VPS13B: variants seen among roughly 807,000 people sequenced by gnomAD.
VPS13B encodes intermembrane lipid transfer protein VPS13B.
VPS13B carries 285 observed loss-of-function variants against 426.4 expected under a neutral mutation model. That is an observed-to-expected ratio of 0.67 (90% CI 0.61 to 0.74). VPS13B has a LOEUF of 0.74. Ranked by LOEUF, VPS13B falls within the 30% of genes least tolerant of loss-of-function variation. The probability of loss-of-function intolerance (pLI) is 0.00; values close to 1 mark genes in which losing one functional copy is unlikely to be tolerated. For missense variants in VPS13B, 4,537 were observed against 4,782.6 expected, an observed-to-expected ratio of 0.95 and a Z score of 1.51; for synonymous variants, 1,676 against 1,676.4, an observed-to-expected ratio of 1.00 and a Z score of 0.01.
At chr8:99,830,370 C>T (rs766528822) in intron 51 of VPS13B, among the ~76,000 whole-genome samples, 4 of 152,140 alleles carry the variant, frequency 2.6e-5, no homozygotes, top group Admixed American at 6.5e-5. Context: ...CTTCCCAGTC[C>T]GAACTTTCTG....
chr8:99,765,334 A>G lies in VPS13B; in HGVS notation c.7051-1440A>G, dbSNP rs539922831. Reference sequence around the variant, plus strand: ...GAAAGGTTAGTAAATAAAATATTACATTATTGCTTTAATTTGAATCTCTTT... The same window carrying G: ...GAAAGGTTAGTAAATAAAATATTACGTTATTGCTTTAATTTGAATCTCTTT... On this transcript the variant is annotated intron_variant, in intron 39 of 61. Coordinates refer to ENST00000357162, the MANE Select transcript of VPS13B (RefSeq NM_152564.5). Among the ~76,000 whole-genome samples the G allele has an allele frequency of 5.3e-5, 8 of 151,106 alleles. No individual in the cohort carries two copies. In the South Asian group the frequency reaches 1.5e-3, roughly 28 times the overall value.
chr8:99,492,474 G>T (rs1820662400), intron 25 of VPS13B, among the ~76,000 whole-genome samples: 1 of 152,202 alleles, frequency 6.6e-6, no homozygotes, highest in African/African-American at 2.4e-5. Context: ...GCCCACAGAG[G>T]TGGAGTCTAG....
At chr8:99,506,657 A>C (rs766117545) in intron 27 of VPS13B, among the ~76,000 whole-genome samples, 5 of 152,174 alleles carry the variant, frequency 3.3e-5, no homozygotes, top group Non-Finnish European at 5.9e-5. Context: ...CAGGAGTTTG[A>C]GACCAGCTGG....
chr8:99,589,066 T>C (rs1588524186), intron 33 of VPS13B, among the ~76,000 whole-genome samples: 1 of 151,988 alleles, frequency 6.6e-6, no homozygotes. Context: ...CATGTGGTTT[T>C]TGTCATTGGT....
chr8:99,391,742 T>A, intron 21 of VPS13B, 38 bp downstream of exon 21: 1 of 1,606,944 alleles, frequency 6.2e-7, no homozygotes, highest in South Asian at 1.1e-5. Flanking sequence ...ATGATTGTAC[T>A]CTACTTCTAA....
intron 19 of VPS13B, among the ~76,000 whole-genome samples, chr8:99,337,279 C>T (rs191857004): frequency 2.1e-4 from 31 of 147,666 alleles, no homozygotes; most frequent in East Asian, 2.0e-4. Context: ...AACCAAACAC[C>T]GCATATTCTC....
chr8:99,049,634 T>G (rs1488347116), intron 3 of VPS13B, among the ~76,000 whole-genome samples: 6 of 152,118 alleles, frequency 3.9e-5, no homozygotes, highest in Non-Finnish European at 7.3e-5. Flanking sequence ...GATAACCTGA[T>G]GACAGTGTGC....
At chr8:99,598,665 C>G (rs1385992962) in intron 33 of VPS13B, among the ~76,000 whole-genome samples, 2 of 151,970 alleles carry the variant, frequency 1.3e-5, no homozygotes, top group Non-Finnish European at 2.9e-5. Context: ...GATCTCTGCA[C>G]TACATATCCT....
intron 26 of VPS13B, 26 bp from the exon 27 acceptor site, chr8:99,502,810 A>T: frequency 6.8e-7 from 1 of 1,475,854 alleles, no homozygotes; most frequent in Non-Finnish European, 9.5e-7. Flanking sequence ...GACTGTGTTG[A>T]TATTACTGCT....
At chr8:99,868,628 T>A (rs1817226325) in intron 59 of VPS13B, among the ~76,000 whole-genome samples, 163 bp downstream of exon 59, 1 of 152,180 alleles carries the variant, frequency 6.6e-6, no homozygotes, top group Non-Finnish European at 1.5e-5. Context: ...CTACTAATAA[T>A]AAAACCATAG....
intron 17 of VPS13B, among the ~76,000 whole-genome samples, chr8:99,252,459 C>G (rs1238755603): frequency 6.6e-6 from 1 of 151,834 alleles, no homozygotes; most frequent in Non-Finnish European, 1.5e-5. Flanking sequence ...CATTTCTGGC[C>G]CAGTATAATA....
intron 12 of VPS13B, among the ~76,000 whole-genome samples, chr8:99,139,062 C>T (rs1588079563): frequency 6.6e-6 from 1 of 152,148 alleles, no homozygotes; most frequent in East Asian, 1.9e-4. Flanking sequence ...TACAGTGTTA[C>T]AGATATTATA....
At chr8:99,116,017 T>A in intron 7 of VPS13B, 143 bp downstream of exon 7, 3 of 896,038 alleles carry the variant, frequency 3.3e-6, no homozygotes, top group African/African-American at 1.7e-5. Context: ...TGTTTTACAC[T>A]ATTTTAATTT....
At chr8:99,209,925 C>G in intron 17 of VPS13B, 1 of 177,298 alleles carries the variant, frequency 5.6e-6, no homozygotes, top group Non-Finnish European at 1.1e-5. Flanking sequence ...TTTTTAAGGA[C>G]AAGAGATGTA....
chr8:99,793,054 A>G (rs1812631139), intron 43 of VPS13B, among the ~76,000 whole-genome samples: 2 of 145,386 alleles, frequency 1.4e-5, no homozygotes, highest in African/African-American at 5.6e-5. Flanking sequence ...AAAAAAAAAA[A>G]AAAATTAGGC....
chr8:99,588,286 G>C (rs1221991033), intron 33 of VPS13B, among the ~76,000 whole-genome samples: 3 of 151,712 alleles, frequency 2.0e-5, no homozygotes, highest in Non-Finnish European at 4.4e-5. Context: ...GCTTAGGATT[G>C]TCTTGGCAAT....
At chr8:99,348,533 G>T (rs1811672210) in intron 19 of VPS13B, among the ~76,000 whole-genome samples, 1 of 152,172 alleles carries the variant, frequency 6.6e-6, no homozygotes, top group Admixed American at 6.5e-5. Flanking sequence ...TAAATTAGAT[G>T]ATGTTAGTTT....
chr8:99,436,367 A>G (rs1331600437), intron 22 of VPS13B, among the ~76,000 whole-genome samples: 1 of 152,232 alleles, frequency 6.6e-6, no homozygotes, highest in African/African-American at 2.4e-5. Context: ...ATTGTAAGTT[A>G]TGATAGTGAT....
chr8:99,636,098 A>G (rs1452286247), intron 33 of VPS13B, among the ~76,000 whole-genome samples: 1 of 151,996 alleles, frequency 6.6e-6, no homozygotes, highest in Non-Finnish European at 1.5e-5. Flanking sequence ...ATGTTTTCCT[A>G]GCTATTGAAA....
Sources: gnomAD v4.1 joint callset for allele counts (sites outside exome capture counted in the v4.1 genomes callset) on GRCh38, gnomAD v4.1.1 for gene constraint, MANE v1.5 for transcripts, NCBI Gene and HGNC (gene_info 2026-07-23, HGNC 2026-07-21) for gene names.